The following RPAP2 variants were observed in gnomAD, a reference collection of about 807,000 sequenced individuals.
The protein encoded by RPAP2 is RNA polymerase II associated protein 2.
RPAP2 carries 52 observed loss-of-function variants against 73.1 expected under a neutral mutation model. That is an observed-to-expected ratio of 0.71 (90% CI 0.57 to 0.90). RPAP2 has a LOEUF of 0.90. Ranked by LOEUF, RPAP2 falls within the 40% of genes least tolerant of loss-of-function variation. The probability of loss-of-function intolerance (pLI) is 0.00; values close to 1 mark genes in which losing one functional copy is unlikely to be tolerated. For missense variants in RPAP2, 598 were observed against 701.8 expected (o/e 0.85, Z 1.67); for synonymous variants, 225 against 242.1 (o/e 0.93, Z 0.65).
chr1:92,383,732 C>G (rs1472376831), intron 12 of RPAP2, among the ~76,000 whole-genome samples: 1 of 150,474 alleles, frequency 6.6e-6, no homozygotes, highest in Admixed American at 6.6e-5. Context: ...TTGACTTCCT[C>G]TTTTCCTAAT....
Position 92,333,413 on chromosome 1 carries a change from T to TA in RPAP2, c.1479dup (p.Asp494ArgfsTer9), listed in dbSNP as rs776613774. On this transcript the variant is annotated frameshift_variant, in exon 9 of 13. Coordinates refer to ENST00000610020, the MANE Select transcript of RPAP2 (RefSeq NM_024813.3). LOFTEE classifies it high-confidence loss of function. ...CAGCATGATTCCACCTTTCCACTGA[T>TA]AGACTCAAGTTCCCAGAACCAGATT... 1.2e-6 allele frequency: 2 copies of TA among 1,613,454 alleles called. No homozygotes were observed. The highest frequency in any genetic ancestry group is 4.5e-5 in the East Asian group (2 of 44,818).
rs762704219 is a variant in RPAP2, at chr1:92,345,874, C to T, written c.1648C>T (p.Pro550Ser). The T allele has an allele frequency of 6.2e-7, 1 of 1,604,682 alleles. No individual in the cohort carries two copies. Among genetic ancestry groups the T allele is most frequent in the Non-Finnish European group, 8.5e-7 (1 of 1,172,630 alleles). Reference sequence around the variant, plus strand: ...AACAAATAGAAATATTATACACAAACCTGCGGAATGGACTTTAATTGCTAT... The same window carrying T: ...AACAAATAGAAATATTATACACAAATCTGCGGAATGGACTTTAATTGCTAT... Reference protein sequence around the residue: ...RLTNRNIIHKPAEWTLIAMVL... With the variant: ...RLTNRNIIHKSAEWTLIAMVL... The change falls in exon 11 of 13, where the codon CCT becomes TCT. Residue 550 changes from proline (P) to serine (S), a missense_variant. Physicochemically the swap from Pro to Ser is moderately conservative, Grantham distance 74. This residue lies in a region of RPAP2 where 506 missense variants were observed against 612.8 expected (regional missense o/e 0.83). Coordinates refer to ENST00000610020, the MANE Select transcript of RPAP2 (RefSeq NM_024813.3).
intron 8 of RPAP2, among the ~76,000 whole-genome samples, chr1:92,331,381 T>G (rs1025736832): frequency 6.6e-6 from 1 of 152,178 alleles, no homozygotes; most frequent in African/African-American, 2.4e-5. Flanking sequence ...ACCATCTCAC[T>G]CCTCTTTCTA....
At chr1:92,335,165 AG>A (rs1653207354) in intron 9 of RPAP2, among the ~76,000 whole-genome samples, 1 of 151,878 alleles carries the variant, frequency 6.6e-6, no homozygotes, top group Middle Eastern at 3.2e-3. Context: ...ACACTGTATG[AG>A]GGTTCCCTTT....
chr1:92,307,794 A>G (rs1443604914), intron 6 of RPAP2, among the ~76,000 whole-genome samples: 1 of 151,970 alleles, frequency 6.6e-6, no homozygotes, highest in East Asian at 1.9e-4. Context: ...TGATTTAAAT[A>G]CTGGCAATGT....
rs147508115 is a variant in RPAP2, at chr1:92,302,251, T to A, written c.234+661T>A. ...GAGATCACACCACTGCACTCCAGTCTGGGCAACAAGAGTGAGACTCTGTCT... is the reference window on the plus strand; with the variant it reads ...GAGATCACACCACTGCACTCCAGTCAGGGCAACAAGAGTGAGACTCTGTCT... On this transcript the variant is annotated intron_variant, in intron 3 of 12. Transcript: ENST00000610020. 6.0e-3 allele frequency among the ~76,000 whole-genome samples: 900 copies of A among 150,720 alleles called. 9 individuals are homozygous for A. Among genetic ancestry groups the A allele is most frequent in the African/African-American group, 0.019 (793 of 40,938 alleles).
rs1041386948 is a variant in RPAP2 at position 92,400,532 on chromosome 1, T to C, written c.*13521T>C. 5 of 152,134 alleles carry C rather than the reference T, an allele frequency of 3.3e-5. No individual in the cohort carries two copies. Among genetic ancestry groups the C allele is most frequent in the African/African-American group, 1.2e-4 (5 of 41,418 alleles). The allele number at this position is 152,134 out of a possible 1,614,324, so 9.4% of individuals were successfully genotyped here. On this transcript the variant is annotated 3_prime_UTR_variant, in exon 13 of 13. Transcript: ENST00000610020. ...TTTTTAGAGACAGGGTGTCACTATG[T>C]TACCCAGGTCTCAATCACTATGTTA...
At chr1:92,315,369 A>G (rs557924463) in intron 6 of RPAP2, among the ~76,000 whole-genome samples, 45 of 152,340 alleles carry the variant, frequency 3.0e-4, no homozygotes, top group African/African-American at 9.6e-4. Context: ...AAATTACCAC[A>G]TATTACTATA....
At position 92,394,491 on chromosome 1, in the gene RPAP2, A is replaced by G. The variant is rs1656135377; in HGVS notation, c.*7480A>G. ...AAGTATAATAAAAAAAATAATTATT[A>G]AATTTTAAAAAACTAGCCAGGCATG... is the stretch of plus-strand genomic sequence containing the variant. On this transcript the variant is annotated 3_prime_UTR_variant, in exon 13 of 13. Coordinates refer to ENST00000610020, the MANE Select transcript of RPAP2 (RefSeq NM_024813.3). 1 of 152,108 alleles carries G rather than the reference A, an allele frequency of 6.6e-6. No homozygotes were observed. Among genetic ancestry groups the G allele is most frequent in the African/African-American group, 2.4e-5 (1 of 41,432 alleles). The allele number at this position is 152,108 out of a possible 1,614,324, so 9.4% of individuals were successfully genotyped here. A position where few individuals can be genotyped will look rare whatever the true frequency, so the allele number is the denominator to read the frequency against.
intron 11 of RPAP2, among the ~76,000 whole-genome samples, chr1:92,378,907 A>C (rs538645827): frequency 6.6e-6 from 1 of 152,318 alleles, no homozygotes; most frequent in East Asian, 1.9e-4. Context: ...AGCTGCAAAG[A>C]AATACAGGAG....
At chr1:92,339,735 G>A (rs1260097633) in intron 10 of RPAP2, among the ~76,000 whole-genome samples, 1 of 151,852 alleles carries the variant, frequency 6.6e-6, no homozygotes, top group Non-Finnish European at 1.5e-5. Flanking sequence ...GAAAAATACA[G>A]CCGGGCACAG....
chr1:92,299,393 C>G (rs17131621), intron 1 of RPAP2, among the ~76,000 whole-genome samples: 15,915 of 152,222 alleles, frequency 0.1, 2,402 homozygotes, highest in African/African-American at 0.34. Flanking sequence ...GCCTCTGAGA[C>G]AAAGGACAGT....
chr1:92,333,688 A>G (rs995122508), intron 9 of RPAP2, among the ~76,000 whole-genome samples: 1 of 152,162 alleles, frequency 6.6e-6, no homozygotes, highest in Non-Finnish European at 1.5e-5. Context: ...GCACATCATA[A>G]AGAGGAAGGT....
chr1:92,317,660 C>T (rs567743051), intron 6 of RPAP2, among the ~76,000 whole-genome samples: 1 of 152,156 alleles, frequency 6.6e-6, no homozygotes, highest in East Asian at 1.9e-4. Context: ...CTTCATGCTA[C>T]TGAACTATAT....
chr1:92,300,528 A>G (rs981603448), intron 2 of RPAP2, among the ~76,000 whole-genome samples: 2 of 152,186 alleles, frequency 1.3e-5, no homozygotes, highest in Admixed American at 1.3e-4. Flanking sequence ...ATTGCTTTAT[A>G]TGCCAGAGAC....
At chr1:92,385,944 C>G (rs1032319741) in intron 12 of RPAP2, among the ~76,000 whole-genome samples, 6 of 152,174 alleles carry the variant, frequency 3.9e-5, no homozygotes, top group Non-Finnish European at 8.8e-5. Flanking sequence ...TTCAGGCTCA[C>G]TCATGTGGTT....
At chr1:92,375,263 TTACAG>T (rs1187455621) in intron 11 of RPAP2, among the ~76,000 whole-genome samples, 1 of 152,182 alleles carries the variant, frequency 6.6e-6, no homozygotes, top group East Asian at 1.9e-4. Context: ...ACAGGAACTA[TTACAG>T]TATTTATTCA....
rs541386352 is a variant in RPAP2 at position 92,396,262 on chromosome 1, G to A, written c.*9251G>A. 6.6e-6 allele frequency: 1 copy of A among 151,370 alleles called. No homozygotes were observed. Among genetic ancestry groups the A allele is most frequent in the African/African-American group, 2.4e-5 (1 of 41,226 alleles). 9.4% of individuals were successfully genotyped at this position (151,370 alleles called of 1,614,324 possible). On this transcript the variant is annotated 3_prime_UTR_variant, in exon 13 of 13. Transcript: ENST00000610020. Reference sequence around the variant, plus strand: ...TTGCATACTCTGAAGTCAAACTCCTGGGCTCAAACAATCCTCCTGCCTCAG... The same window carrying A: ...TTGCATACTCTGAAGTCAAACTCCTAGGCTCAAACAATCCTCCTGCCTCAG...
intron 6 of RPAP2, among the ~76,000 whole-genome samples, chr1:92,307,996 CTTGTGGTAA>C (rs926573439): frequency 1.3e-5 from 2 of 151,766 alleles, no homozygotes; most frequent in African/African-American, 2.4e-5. Context: ...GGCAGTGTTA[CTTGTGGTAA>C]GGTAGGACCT....
Sources: gnomAD v4.1 joint callset for allele counts (sites outside exome capture counted in the v4.1 genomes callset) on GRCh38, gnomAD v4.1.1 for gene constraint, gnomAD v4.1.1 regional missense constraint, MANE v1.5 for transcripts, NCBI Gene and HGNC (gene_info 2026-07-23, HGNC 2026-07-21) for gene names.